ACOX3: variants seen among roughly 807,000 people sequenced by gnomAD.
The protein encoded by ACOX3 is acyl-CoA oxidase 3, pristanoyl.
In ACOX3, 73 loss-of-function variants were observed where a neutral mutation model predicts 81.5. The ratio of observed to expected loss-of-function variants is 0.90; its 90% confidence interval spans 0.74 to 1.09. The LOEUF (loss-of-function observed/expected upper bound fraction) is 1.09, where lower values mean the gene tolerates loss of function less well. Ranked by LOEUF, ACOX3 falls within the 50% of genes least tolerant of loss-of-function variation. The probability of loss-of-function intolerance (pLI) is 0.00; values close to 1 mark genes in which losing one functional copy is unlikely to be tolerated. For missense variants in ACOX3, 947 were observed against 928.0 expected (o/e 1.02, Z -0.27); for synonymous variants, 387 against 375.1 (o/e 1.03, Z -0.37).
chr4:8,376,442 G>A (rs1419897390), intron 14 of ACOX3, among the ~76,000 whole-genome samples: 1 of 152,166 alleles, frequency 6.6e-6, no homozygotes, highest in Non-Finnish European at 1.5e-5. Context: ...CTATGACGCT[G>A]CTATGACGCT....
intron 1 of ACOX3, among the ~76,000 whole-genome samples, chr4:8,433,512 C>T (rs1020926217): frequency 1.6e-4 from 25 of 152,146 alleles, no homozygotes; most frequent in African/African-American, 5.1e-4. Flanking sequence ...ACCAAACTTA[C>T]GGTAATTTGT....
At position 8,437,314 on chromosome 4, in the gene ACOX3, C is replaced by T. The variant is rs1441768725; in HGVS notation, c.-15+3334G>A. Among the ~76,000 whole-genome samples the T allele has an allele frequency of 5.3e-5, 8 of 151,788 alleles. No individual in the cohort carries two copies. Among genetic ancestry groups the T allele is most frequent in the South Asian group, 2.1e-4 (1 of 4,814 alleles). ...AAGCAACAAGTGCGGCAGCTAGGCA[C>T]GCCAAGGGTTAAATTCCTCTCCCCG... On this transcript the variant is annotated intron_variant, in intron 1 of 17. Transcript: ENST00000356406. This position sits in a 1 kb window ranked among gnomAD's most constrained non-coding sequence, Gnocchi z 5.2.
At chr4:8,373,733 T>C (rs1169472353) in intron 15 of ACOX3, 105 bp from the exon 16 acceptor site, 1 of 1,015,820 alleles carries the variant, frequency 9.8e-7, no homozygotes, top group Admixed American at 2.0e-5. Context: ...ATAGGAGGCC[T>C]GTTTTGGGTG....
chr4:8,363,712 T>C (rs1346846308), downstream of ACOX3, among the ~76,000 whole-genome samples: 1 of 152,152 alleles, frequency 6.6e-6, no homozygotes, highest in African/African-American at 2.4e-5. Flanking sequence ...CGGCACAGGA[T>C]GCAGGTCATA....
intron 16 of ACOX3, among the ~76,000 whole-genome samples, chr4:8,372,793 A>G (rs73085877): frequency 0.02 from 3,050 of 152,338 alleles, 120 homozygotes; most frequent in African/African-American, 0.07. Flanking sequence ...GCTAAAATGC[A>G]GCAGCACTCA....
intron 1 of ACOX3, among the ~76,000 whole-genome samples, chr4:8,429,430 GGGGCT>G (rs1723811641): frequency 6.6e-6 from 1 of 152,248 alleles, no homozygotes; most frequent in Non-Finnish European, 1.5e-5. Flanking sequence ...TCCAGGTGCA[GGGGCT>G]TTAAGACTAT....
In ACOX3 at chr4:8,384,869, G is replaced by A. The variant is rs1188391259; in HGVS notation, c.1538-3262C>T. On this transcript the variant is annotated intron_variant, in intron 13 of 17. Transcript: ENST00000356406. The surrounding 1 kb of genome is among the most constrained non-coding windows in gnomAD (Gnocchi z 5.3). Reference sequence around the variant, plus strand: ...CCATGCCCGCCGCTCTGGTGCTCCTGAATGGCCGGTGCTCCCCAAAAGCAC... The same window carrying A: ...CCATGCCCGCCGCTCTGGTGCTCCTAAATGGCCGGTGCTCCCCAAAAGCAC... Among the ~76,000 whole-genome samples, 2 of 152,306 alleles carry A rather than the reference G, an allele frequency of 1.3e-5. No individual in the cohort carries two copies. Among genetic ancestry groups the A allele is most frequent in the East Asian group, 3.9e-4 (2 of 5,184 alleles).
At chr4:8,383,011 A>AG (rs1717888252) in intron 13 of ACOX3, among the ~76,000 whole-genome samples, 1 of 151,184 alleles carries the variant, frequency 6.6e-6, no homozygotes, top group Admixed American at 6.6e-5. Context: ...AAAAAAGAAA[A>AG]GAAAATACCC....
rs114739729 is a variant in ACOX3, at chr4:8,425,871, G to A, written c.-14-9336C>T. ...AGGCTGCAGTAACCCAGCGAGTATC[G>A]CAGACGTTACTTAGGCATACAATAT... On this transcript the variant is annotated intron_variant, in intron 1 of 17. Transcript: ENST00000356406. 3.9e-3 allele frequency among the ~76,000 whole-genome samples: 587 copies of A among 152,026 alleles called. 4 individuals are homozygous for A. The highest frequency in any genetic ancestry group is 0.014 in the African/African-American group (569 of 41,410).
chr4:8,421,674 A>G (rs113627326), intron 1 of ACOX3, among the ~76,000 whole-genome samples: 8,595 of 152,312 alleles, frequency 0.056, 407 homozygotes, highest in African/African-American at 0.13. Flanking sequence ...TTGTATCTCC[A>G]AAGGGATCTA....
In ACOX3 at chr4:8,389,794, A is replaced by C. The variant is rs914039449; in HGVS notation, c.1301-60T>G. The C allele has an allele frequency of 1.9e-6, 3 of 1,597,274 alleles. No individual in the cohort carries two copies. The highest frequency in any genetic ancestry group is 2.6e-6 in the Non-Finnish European group (3 of 1,171,966). ...ACGCATATTTGAGAAGCAGCCTGTC[A>C]CTATGTGAGAATTTAAAAAGCCTTA... On this transcript the variant is annotated intron_variant, in intron 11 of 17. Transcript: ENST00000356406. This position sits in a 1 kb window ranked among gnomAD's most constrained non-coding sequence, Gnocchi z 5.3.
In ACOX3 at chr4:8,392,826, G is replaced by A. The variant is rs116759083; in HGVS notation, c.1180-373C>T. ...ATGGAAGGTTGCAATTGTTTGCAGC[G>A]AAACCATGAAGAAAGGCCAGGGAAC... On this transcript the variant is annotated intron_variant, in intron 10 of 17. Coordinates refer to ENST00000356406, the MANE Select transcript of ACOX3 (RefSeq NM_003501.3). 4.7e-3 allele frequency among the ~76,000 whole-genome samples: 712 copies of A among 152,256 alleles called. 6 individuals are homozygous for A. Among genetic ancestry groups the A allele is most frequent in the African/African-American group, 0.016 (670 of 41,548 alleles).
At chr4:8,359,309 G>A in the ACOX3 span, among the ~76,000 whole-genome samples, 2 of 152,158 alleles carry the variant, frequency 1.3e-5, no homozygotes, top group Non-Finnish European at 1.5e-5. The surrounding 1 kb of genome is among the most constrained non-coding windows in gnomAD (Gnocchi z 6.0). Flanking sequence ...TTGGGTTAGA[G>A]GCCCAACGTA....
Position 8,400,290 on chromosome 4 carries a change from A to G in ACOX3, c.777-638T>C, listed in dbSNP as rs551741686. The stretch of plus-strand genomic sequence containing the variant: ...TAATAATAATAATAATAATAAAAGC[A>G]TTGTGTATATGGTAAGTTGTACTCC... On this transcript the variant is annotated intron_variant, in intron 7 of 17. Coordinates refer to ENST00000356406, the MANE Select transcript of ACOX3 (RefSeq NM_003501.3). The surrounding 1 kb of genome is among the most constrained non-coding windows in gnomAD (Gnocchi z 4.4). 6.6e-6 allele frequency among the ~76,000 whole-genome samples: 1 copy of G among 151,672 alleles called. No individual in the cohort carries two copies. The highest frequency in any genetic ancestry group is 1.9e-4 in the East Asian group (1 of 5,162).
At chr4:8,413,362 A>C (rs1344580761) in intron 5 of ACOX3, among the ~76,000 whole-genome samples, 2 of 85,816 alleles carry the variant, frequency 2.3e-5, no homozygotes, top group African/African-American at 4.6e-5. Context: ...TCTGTGGCCC[A>C]TCTCCCTCCA....
intron 13 of ACOX3, among the ~76,000 whole-genome samples, chr4:8,383,005 A>G (rs1171271914): frequency 1.4e-5 from 2 of 145,324 alleles, no homozygotes; most frequent in African/African-American, 2.6e-5. Context: ...AAAAAAAAAA[A>G]AGAAAAGAAA....
rs1308663728 is a variant in ACOX3, at chr4:8,416,720, A to G, written c.-14-185T>C. 1.3e-5 allele frequency among the ~76,000 whole-genome samples: 2 copies of G among 152,260 alleles called. No individual in the cohort carries two copies. The highest frequency in any genetic ancestry group is 2.9e-5 in the Non-Finnish European group (2 of 68,040). ...TTTTCCCAGAAGAAAAGGCGAGAAGAATTCCCTCGTCCACTCCTGAACACA... is the reference window on the plus strand; with the variant it reads ...TTTTCCCAGAAGAAAAGGCGAGAAGGATTCCCTCGTCCACTCCTGAACACA... On this transcript the variant is annotated intron_variant, in intron 1 of 17. Coordinates refer to ENST00000356406, the MANE Select transcript of ACOX3 (RefSeq NM_003501.3). The surrounding 1 kb of genome is among the most constrained non-coding windows in gnomAD (Gnocchi z 4.2).
rs186135237 is a variant in ACOX3 at position 8,437,875 on chromosome 4, T to C, written c.-15+2773A>G. 6.6e-6 allele frequency among the ~76,000 whole-genome samples: 1 copy of C among 152,240 alleles called. No homozygotes were observed. The highest frequency in any genetic ancestry group is 2.4e-5 in the African/African-American group (1 of 41,472). ...AAAGAATGTAAAGACTAGGGCAGAC[T>C]AGGCACCTTCTTATTAGGCTCCCAG... On this transcript the variant is annotated intron_variant, in intron 1 of 17. Transcript: ENST00000356406. The surrounding 1 kb of genome is among the most constrained non-coding windows in gnomAD (Gnocchi z 5.2).
In ACOX3 at chr4:8,437,763, C is replaced by T. The variant is rs1366271923; in HGVS notation, c.-15+2885G>A. Among the ~76,000 whole-genome samples the T allele has an allele frequency of 6.6e-6, 1 of 152,186 alleles. No individual in the cohort carries two copies. The highest frequency in any genetic ancestry group is 1.9e-4 in the East Asian group (1 of 5,194). On this transcript the variant is annotated intron_variant, in intron 1 of 17. Coordinates refer to ENST00000356406, the MANE Select transcript of ACOX3 (RefSeq NM_003501.3). This position sits in a 1 kb window ranked among gnomAD's most constrained non-coding sequence, Gnocchi z 5.2. ...TTCAGAAGGCAATAAAAGAAATGGC[C>T]AAGGCTGCAAGACAAAGAGGCCATT...
Sources: gnomAD v4.1 joint callset for allele counts (sites outside exome capture counted in the v4.1 genomes callset) on GRCh38, gnomAD v4.1.1 for gene constraint, Gnocchi (gnomAD v3.1) non-coding constraint, MANE v1.5 for transcripts, NCBI Gene and HGNC (gene_info 2026-07-23, HGNC 2026-07-21) for gene names.